Variants in ILDR2 observed in about 807,000 individuals in gnomAD.
ILDR2 encodes immunoglobulin like domain containing receptor 2.
A neutral mutation model predicts 66.8 loss-of-function variants in ILDR2; 25 were observed. The ratio of observed to expected loss-of-function variants is 0.37; its 90% CI spans 0.27 to 0.52. The LOEUF (loss-of-function observed/expected upper bound fraction) is 0.52. Ranked by LOEUF, ILDR2 falls within the 20% of genes least tolerant of loss-of-function variation. The pLI, the probability that ILDR2 is intolerant of heterozygous loss-of-function variation, is 0.88. For missense variants in ILDR2, 827 were observed against 876.8 expected (o/e 0.94, Z 0.72); for synonymous variants, 367 against 357.2 (o/e 1.03, Z -0.31).
At chr1:166,907,915 T>A (rs1326152835), downstream of ILDR2, 1 of 152,170 alleles carries the variant, frequency 6.6e-6, no homozygotes, top group Non-Finnish European at 1.5e-5. Context: ...AAGAAAGGAC[T>A]CTGCCCAAGT....
At chr1:166,969,650 T>G (rs535420619) in intron 1 of ILDR2, among the ~76,000 whole-genome samples, 2 of 152,350 alleles carry the variant, frequency 1.3e-5, no homozygotes, top group Non-Finnish European at 2.9e-5. Context: ...TGCCATTCTT[T>G]CTCACTTTTC....
At chr1:166,955,303 A>G (rs772200349) in intron 3 of ILDR2, among the ~76,000 whole-genome samples, 7 of 152,152 alleles carry the variant, frequency 4.6e-5, no homozygotes, top group Non-Finnish European at 8.8e-5. Flanking sequence ...CCTTAATCCA[A>G]TTTACAAAAT....
rs1557921377 is a variant in ILDR2 at position 166,909,781 on chromosome 1, T to TATATATAAATATATA, written c.*9573_*9574insTATATATTTATATAT. The TATATATAAATATATA allele has an allele frequency of 3.1e-5, 2 of 64,246 alleles. No individual in the cohort carries two copies. The highest frequency in any genetic ancestry group is 1.4e-4 in the African/African-American group (2 of 14,428). 4.0% of individuals were successfully genotyped at this position (64,246 alleles called of 1,614,324 possible). On this transcript the variant is annotated 3_prime_UTR_variant, in exon 10 of 10. Coordinates refer to ENST00000271417, the MANE Select transcript of ILDR2 (RefSeq NM_199351.3). ...TATAAATATATATAAATATATATAT[T>TATATATAAATATATA]TATATATATATATATATATATATAT...
In ILDR2 at chr1:166,921,239, G is replaced by A. The variant is rs1170579232; in HGVS notation, c.1352C>T (p.Ala451Val). Reference sequence around the variant, plus strand: ...GCGCTCGAAGCGGCTCCCGCCCCGCGCCTCGTGACTGTTGCCGTCTGCCCG... The same window carrying A: ...GCGCTCGAAGCGGCTCCCGCCCCGCACCTCGTGACTGTTGCCGTCTGCCCG... ...PRRADGNSHE[A>V]RGGSRFERSE... The change falls in exon 9 of 10, where the codon GCG becomes GTG. Residue 451 changes from alanine (A) to valine (V), a missense_variant. By Grantham distance (64) the Ala-to-Val change is moderately conservative. This residue lies in a region of ILDR2 where 390 missense variants were observed against 353.6 expected (regional missense o/e 1.10). Coordinates refer to ENST00000271417, the MANE Select transcript of ILDR2 (RefSeq NM_199351.3). This position sits in a 1 kb window ranked among gnomAD's most constrained non-coding sequence, Gnocchi z 5.3. 1 of 1,596,012 alleles carries A rather than the reference G, an allele frequency of 6.3e-7. No individual in the cohort carries two copies. Among genetic ancestry groups the A allele is most frequent in the African/African-American group, 1.3e-5 (1 of 74,810 alleles).
At chr1:166,948,382 T>C (rs1384065430) in intron 3 of ILDR2, among the ~76,000 whole-genome samples, 2 of 152,208 alleles carry the variant, frequency 1.3e-5, no homozygotes, top group African/African-American at 4.8e-5. Context: ...AAAGTCACCC[T>C]ATCTAAAGTC....
chr1:166,925,975 TGTC>T (rs1429076599), intron 7 of ILDR2, among the ~76,000 whole-genome samples: 1 of 152,236 alleles, frequency 6.6e-6, no homozygotes, highest in African/African-American at 2.4e-5. Flanking sequence ...ACAACTAGCT[TGTC>T]AAGTGCAGTG....
At chr1:166,970,780 C>G (rs772278569) in intron 1 of ILDR2, among the ~76,000 whole-genome samples, 12 of 152,196 alleles carry the variant, frequency 7.9e-5, no homozygotes, top group Non-Finnish European at 1.8e-4. Context: ...ACTTCCCTCT[C>G]CTAGTCCAGA....
chr1:166,923,686 A>G (rs1335157458), intron 7 of ILDR2, among the ~76,000 whole-genome samples: 1 of 152,246 alleles, frequency 6.6e-6, no homozygotes, highest in Non-Finnish European at 1.5e-5. Context: ...CTAATTTCCT[A>G]AAGTGGCCTA....
At chr1:166,905,914 CT>C (rs1200137791), downstream of ILDR2, among the ~76,000 whole-genome samples, 1 of 152,198 alleles carries the variant, frequency 6.6e-6, no homozygotes, top group Non-Finnish European at 1.5e-5. Context: ...CATCGCTTGC[CT>C]TCCTCACTCC....
At chr1:166,973,457 C>A (rs990411974) in intron 1 of ILDR2, among the ~76,000 whole-genome samples, 1 of 152,106 alleles carries the variant, frequency 6.6e-6, no homozygotes, top group African/African-American at 2.4e-5. Flanking sequence ...CTGTAGTACC[C>A]TCCAGTGATA....
rs1477968664 is a variant in ILDR2 at position 166,910,547 on chromosome 1, T to C, written c.*8808A>G. On this transcript the variant is annotated 3_prime_UTR_variant, in exon 10 of 10. Transcript: ENST00000271417. ...GAAGGTTAGCAATAGAGTCACTCTC[T>C]TGGATGTGTGCCACTAGATGGCGTG... 6.6e-6 allele frequency: 1 copy of C among 152,210 alleles called. No individual in the cohort carries two copies. The highest frequency in any genetic ancestry group is 2.4e-5 in the African/African-American group (1 of 41,456). The allele number at this position is 152,210 out of a possible 1,614,324, so 9.4% of individuals were successfully genotyped here. A position where few individuals can be genotyped will look rare whatever the true frequency, so the allele number is the denominator to read the frequency against.
At chr1:166,947,870 G>C (rs1182636120) in intron 3 of ILDR2, among the ~76,000 whole-genome samples, 3 of 152,180 alleles carry the variant, frequency 2.0e-5, no homozygotes, top group East Asian at 1.9e-4. Flanking sequence ...CTGCGAGGAG[G>C]GGGCGGCGGG....
At chr1:166,935,190 G>A (rs1489612401) in intron 6 of ILDR2, 111 bp downstream of exon 6, 4 of 1,073,030 alleles carry the variant, frequency 3.7e-6, no homozygotes, top group East Asian at 4.8e-5. Flanking sequence ...TTCTGGAACA[G>A]AGAAAACTAT....
intron 7 of ILDR2, among the ~76,000 whole-genome samples, chr1:166,926,676 G>A (rs541873827): frequency 6.6e-6 from 1 of 150,994 alleles, no homozygotes; most frequent in East Asian, 2.0e-4. Context: ...TATTTGGAAT[G>A]CTTTATTAAA....
At chr1:166,958,245 C>A in intron 1 of ILDR2, 144 bp from the exon 2 acceptor site, 1 of 686,336 alleles carries the variant, frequency 1.5e-6, no homozygotes, top group Non-Finnish European at 2.5e-6. Context: ...GCATTAATAT[C>A]CATCTGGTTG....
At chr1:166,937,390 A>G (rs1045548995) in intron 4 of ILDR2, among the ~76,000 whole-genome samples, 21 of 152,224 alleles carry the variant, frequency 1.4e-4, no homozygotes, top group African/African-American at 5.1e-4. Flanking sequence ...AGAAAACTAG[A>G]GACGTGGTCT....
At chr1:166,951,927 A>G (rs1354716836) in intron 3 of ILDR2, among the ~76,000 whole-genome samples, 1 of 152,032 alleles carries the variant, frequency 6.6e-6, no homozygotes, top group Non-Finnish European at 1.5e-5. Context: ...ATATCCTCTT[A>G]TTCTATTCTT....
intron 2 of ILDR2, among the ~76,000 whole-genome samples, chr1:166,898,948 A>G (rs1304946483): frequency 6.6e-6 from 1 of 151,670 alleles, no homozygotes; most frequent in Admixed American, 6.6e-5. Flanking sequence ...TAGTCCCAAC[A>G]ACTTTGGAGG....
Position 166,918,053 on chromosome 1 carries a change from C to T in ILDR2, c.*1302G>A, listed in dbSNP as rs1035269403. ...TCAAGGGGTTGGAAAAAAGATGGCA[C>T]CTCTTGATGAGAAGGAAAGAGTTCG... On this transcript the variant is annotated 3_prime_UTR_variant, in exon 10 of 10. Coordinates refer to ENST00000271417, the MANE Select transcript of ILDR2 (RefSeq NM_199351.3). The T allele has an allele frequency of 1.3e-5, 2 of 152,172 alleles. No homozygotes were observed. Among genetic ancestry groups the T allele is most frequent in the Admixed American group, 6.5e-5 (1 of 15,272 alleles). The allele number at this position is 152,172 out of a possible 1,614,324, so 9.4% of individuals were successfully genotyped here.
Sources: gnomAD v4.1 joint callset for allele counts (sites outside exome capture counted in the v4.1 genomes callset) on GRCh38, gnomAD v4.1.1 for gene constraint, gnomAD v4.1.1 regional missense constraint, Gnocchi (gnomAD v3.1) non-coding constraint, MANE v1.5 for transcripts, NCBI Gene and HGNC (gene_info 2026-07-23, HGNC 2026-07-21) for gene names.